JARID2: variants seen among roughly 807,000 people sequenced by gnomAD.
JARID2 encodes the protein protein Jumonji.
A neutral mutation model predicts 125.6 loss-of-function variants in JARID2; 21 were observed. The observed-to-expected ratio is 0.17, with a 90% CI of 0.12 to 0.24. The LOEUF is 0.24. Ranked by LOEUF, JARID2 falls within the 10% of genes least tolerant of loss-of-function variation. The probability of loss-of-function intolerance (pLI) is 1.00; values close to 1 mark genes in which losing one functional copy is unlikely to be tolerated. For synonymous variants in JARID2, 736 were observed against 661.6 expected, an observed-to-expected ratio of 1.11 and a Z score of -1.73; for missense variants, 1,303 against 1,639.6, an observed-to-expected ratio of 0.79 and a Z score of 3.55.
At chr6:15,301,781 CTT>C (rs1285468336) in intron 1 of JARID2, among the ~76,000 whole-genome samples, 4 of 152,282 alleles carry the variant, frequency 2.6e-5, no homozygotes. Context: ...GGGCTGCCCT[CTT>C]TGGTATGTTG....
intron 4 of JARID2, among the ~76,000 whole-genome samples, chr6:15,461,258 T>G (rs1348935274): frequency 6.6e-6 from 1 of 152,166 alleles, no homozygotes; most frequent in Non-Finnish European, 1.5e-5. Flanking sequence ...TAGATTAGCG[T>G]GGGAATAGGA....
At chr6:15,303,143 C>T (rs1561781177) in intron 1 of JARID2, among the ~76,000 whole-genome samples, 1 of 152,242 alleles carries the variant, frequency 6.6e-6, no homozygotes, top group Non-Finnish European at 1.5e-5. Context: ...AGGTAGCCTA[C>T]AGAATTTTAG....
intron 2 of JARID2, chr6:15,400,934 A>G (rs768279290): frequency 9.3e-6 from 12 of 1,289,376 alleles, no homozygotes; most frequent in South Asian, 4.9e-5. Context: ...TCTCTCTGCA[A>G]TGATCCGGCT....
chr6:15,349,762 G>C (rs1763363671), intron 1 of JARID2, among the ~76,000 whole-genome samples: 1 of 152,144 alleles, frequency 6.6e-6, no homozygotes, highest in South Asian at 2.1e-4. Flanking sequence ...AAAGATGAAG[G>C]CTGGGGATGC....
At chr6:15,290,628 T>C (rs1761169697) in intron 1 of JARID2, among the ~76,000 whole-genome samples, 1 of 152,154 alleles carries the variant, frequency 6.6e-6, no homozygotes, top group South Asian at 2.1e-4. Context: ...GGATGTTTTT[T>C]TCCCCCCCAA....
intron 1 of JARID2, among the ~76,000 whole-genome samples, chr6:15,347,689 G>A (rs1428716935): frequency 6.6e-6 from 1 of 152,126 alleles, no homozygotes; most frequent in Non-Finnish European, 1.5e-5. Context: ...TGGTGGTGAT[G>A]GCTCAAAAAT....
intron 1 of JARID2, among the ~76,000 whole-genome samples, chr6:15,306,087 C>T (rs763822936): frequency 2.0e-5 from 3 of 152,142 alleles, no homozygotes; most frequent in Non-Finnish European, 4.4e-5. Flanking sequence ...CAGCAATCCT[C>T]GAGGCTTACA....
intron 1 of JARID2, among the ~76,000 whole-genome samples, chr6:15,363,600 A>G (rs1763873570): frequency 6.6e-6 from 1 of 152,196 alleles, no homozygotes; most frequent in Admixed American, 6.5e-5. Context: ...AAAGGCGAGT[A>G]AGACACAGAC....
At chr6:15,437,324 C>CTG (rs1269437145) in intron 3 of JARID2, among the ~76,000 whole-genome samples, 1 of 152,196 alleles carries the variant, frequency 6.6e-6, no homozygotes, top group Admixed American at 6.5e-5. Context: ...AAGGCAGAAA[C>CTG]TGTGTCTCCT....
At chr6:15,352,037 TC>T (rs201791507) in intron 1 of JARID2, among the ~76,000 whole-genome samples, 12,245 of 152,222 alleles carry the variant, frequency 0.08, 607 homozygotes, top group South Asian at 0.15. Context: ...TGTTGATATT[TC>T]TTCCTTTTTA....
intron 1 of JARID2, among the ~76,000 whole-genome samples, chr6:15,289,686 C>T (rs929392516): frequency 6.6e-6 from 1 of 152,064 alleles, no homozygotes; most frequent in Non-Finnish European, 1.5e-5. Flanking sequence ...AACCCTGTCT[C>T]TACTAAAAAT....
intron 4 of JARID2, among the ~76,000 whole-genome samples, chr6:15,467,269 CTTGAGATCT>C (rs1768785216): frequency 6.6e-6 from 1 of 152,088 alleles, no homozygotes; most frequent in Admixed American, 6.5e-5. Flanking sequence ...GTGTTTAAAC[CTTGAGATCT>C]TTGAGATCTC....
At chr6:15,250,767 T>C (rs1257440912) in intron 1 of JARID2, among the ~76,000 whole-genome samples, 1 of 152,204 alleles carries the variant, frequency 6.6e-6, no homozygotes, top group East Asian at 1.9e-4. Context: ...AACCAGTCCC[T>C]GTTGCTGGGC....
chr6:15,467,010 G>C (rs1393093526), intron 4 of JARID2, among the ~76,000 whole-genome samples: 2 of 152,194 alleles, frequency 1.3e-5, no homozygotes, highest in Non-Finnish European at 2.9e-5. Context: ...TCTTTTTGCC[G>C]ACTGTATCCC....
intron 2 of JARID2, among the ~76,000 whole-genome samples, chr6:15,399,199 G>T (rs1408916674): frequency 6.6e-6 from 1 of 152,140 alleles, no homozygotes; most frequent in Non-Finnish European, 1.5e-5. Context: ...AGCCATTGGA[G>T]AGCACCTCTT....
At position 15,505,316 on chromosome 6, in the gene JARID2, C is replaced by T. The variant is rs184689282; in HGVS notation, c.2541+724C>T. 1.7e-4 allele frequency: 25 copies of T among 149,608 alleles called. No homozygotes were observed. In the East Asian group the frequency reaches 4.5e-3, roughly 27 times the overall value. 9.3% of individuals were successfully genotyped at this position (149,608 alleles called of 1,614,324 possible). The stretch of plus-strand genomic sequence containing the variant: ...AGGAGGTATTTGCTGACCACAGCCT[C>T]ATCTTTTAGTGTGTGACAGGCTTTT... On this transcript the variant is annotated intron_variant, in intron 9 of 17. Coordinates refer to ENST00000341776, the MANE Select transcript of JARID2 (RefSeq NM_004973.4).
chr6:15,319,641 A>G (rs931693816), intron 1 of JARID2, among the ~76,000 whole-genome samples: 1 of 152,150 alleles, frequency 6.6e-6, no homozygotes. Flanking sequence ...CCTGTCCTCA[A>G]GTGATCCACC....
chr6:15,329,656 G>A (rs983347802), intron 1 of JARID2, among the ~76,000 whole-genome samples: 2 of 152,126 alleles, frequency 1.3e-5, no homozygotes, highest in Non-Finnish European at 2.9e-5. Context: ...CCAGCCATTC[G>A]GATTTTATCT....
rs1226115880 is a variant in JARID2, at chr6:15,255,479, C to T, written c.45+8895C>T. Among the ~76,000 whole-genome samples, 6 of 152,110 alleles carry T rather than the reference C, an allele frequency of 3.9e-5. No individual in the cohort carries two copies. The East Asian group carries it at 5.8e-4, about 15-fold the overall frequency. On this transcript the variant is annotated intron_variant, in intron 1 of 17. Coordinates refer to ENST00000341776, the MANE Select transcript of JARID2 (RefSeq NM_004973.4). Reference sequence around the variant, plus strand: ...AGTGAAAAGGATAGGTTGTGTGACTCTTGTCTACCTGGAGACCTGGTTTAC... The same window carrying T: ...AGTGAAAAGGATAGGTTGTGTGACTTTTGTCTACCTGGAGACCTGGTTTAC...
Sources: allele counts gnomAD v4.1 joint callset (sites outside exome capture counted in the v4.1 genomes callset), GRCh38; gene constraint gnomAD v4.1.1; transcripts MANE v1.5; gene names NCBI Gene and HGNC (gene_info 2026-07-23, HGNC 2026-07-21).